The following TMTC3 variants were observed in gnomAD, a reference collection of about 807,000 sequenced individuals.
TMTC3 encodes the protein transmembrane O-mannosyltransferase targeting cadherins 3, also known as protein O-mannosyl-transferase TMTC3.
In TMTC3, 52 loss-of-function variants were observed where a neutral mutation model predicts 92.2. That is an observed-to-expected ratio of 0.56 (90% confidence interval 0.45 to 0.71). TMTC3 has a LOEUF of 0.71. Among genes scored for constraint, TMTC3 ranks in the 30% least tolerant of loss-of-function variants. TMTC3 has a pLI of 0.00. For synonymous variants in TMTC3, 339 were observed against 363.3 expected (o/e 0.93, Z 0.76); for missense variants, 896 against 1,057.1 (o/e 0.85, Z 2.11).
intron 6 of TMTC3, among the ~76,000 whole-genome samples, chr12:88,162,772 G>A (rs1472314671): frequency 1.3e-5 from 2 of 151,846 alleles, no homozygotes; most frequent in African/African-American, 4.8e-5. Context: ...GTATTTCTCT[G>A]CTTCTTTGCA....
At chr12:88,146,966 A>G (rs1159660562) in intron 1 of TMTC3, among the ~76,000 whole-genome samples, 1 of 150,362 alleles carries the variant, frequency 6.7e-6, no homozygotes, top group East Asian at 1.9e-4. Context: ...TGCAGCTAAT[A>G]TATCAAAGTC....
At chr12:88,154,485 C>A in intron 4 of TMTC3, 98 bp downstream of exon 4, 1 of 669,140 alleles carries the variant, frequency 1.5e-6, no homozygotes. Flanking sequence ...TTATATACCA[C>A]ATTTGGGATT....
chr12:88,156,826 T>TTC (rs1403462080), intron 4 of TMTC3, among the ~76,000 whole-genome samples: 3 of 151,082 alleles, frequency 2.0e-5, no homozygotes, highest in Non-Finnish European at 3.0e-5. Flanking sequence ...TTTTTTTTTT[T>TTC]TTACAAAAAG....
chr12:88,147,895 A>C (rs1429847067), intron 1 of TMTC3, among the ~76,000 whole-genome samples: 3 of 152,120 alleles, frequency 2.0e-5, no homozygotes, highest in African/African-American at 7.2e-5. Context: ...TAGAAAAGGG[A>C]TGGAGGGTCT....
In TMTC3 at chr12:88,183,023, G is replaced by A. The variant is rs149023143; in HGVS notation, c.1433-5820G>A. On this transcript the variant is annotated intron_variant, in intron 10 of 13. Coordinates refer to ENST00000266712, the MANE Select transcript of TMTC3 (RefSeq NM_181783.4). ...TTAGCACTGATAGCCCGTAAGTCAT[G>A]CAGAAATCTCCATTTGCCAGACTTT... Among the ~76,000 whole-genome samples, 672 of 152,308 alleles carry A rather than the reference G, an allele frequency of 4.4e-3. 12 individuals are homozygous for A. Among genetic ancestry groups the A allele is most frequent in the African/African-American group, 0.015 (623 of 41,568 alleles).
At chr12:88,152,172 A>C (rs1263410484) in intron 2 of TMTC3, among the ~76,000 whole-genome samples, 2 of 152,208 alleles carry the variant, frequency 1.3e-5, no homozygotes, top group Admixed American at 6.5e-5. Context: ...TATTTGGCAT[A>C]TGGATCTGCA....
chr12:88,193,293 C>T (rs1035366894), intron 13 of TMTC3, among the ~76,000 whole-genome samples: 8 of 151,940 alleles, frequency 5.3e-5, no homozygotes, highest in Non-Finnish European at 7.4e-5. Context: ...TCCAGTTTTA[C>T]TACGTTTTCT....
chr12:88,148,042 A>C (rs182604532), intron 1 of TMTC3, among the ~76,000 whole-genome samples: 8 of 152,076 alleles, frequency 5.3e-5, no homozygotes, highest in African/African-American at 1.9e-4. Context: ...GGAATAGGAG[A>C]GGTTACTTGG....
intron 4 of TMTC3, among the ~76,000 whole-genome samples, chr12:88,156,726 G>A (rs1404570684): frequency 1.3e-5 from 2 of 149,628 alleles, no homozygotes; most frequent in East Asian, 3.9e-4. Context: ...CTTGTCTTCT[G>A]CCTTAAATGT....
chr12:88,156,641 T>TA (rs1285411038), intron 4 of TMTC3, among the ~76,000 whole-genome samples: 1 of 151,770 alleles, frequency 6.6e-6, no homozygotes, highest in African/African-American at 2.4e-5. Context: ...ATTTCTGCAG[T>TA]AACAGAGTAG....
intron 10 of TMTC3, among the ~76,000 whole-genome samples, chr12:88,182,287 T>A (rs1301123417): frequency 1.3e-5 from 2 of 152,230 alleles, no homozygotes; most frequent in African/African-American, 4.8e-5. Flanking sequence ...ATATTGCAGG[T>A]CTGTGCAATC....
chr12:88,195,313 TGAA>T lies in TMTC3; in HGVS notation c.2413_2415del (p.Glu805del), dbSNP rs764289219. 6.2e-7 allele frequency: 1 copy of T among 1,613,736 alleles called. No individual in the cohort carries two copies. The highest frequency in any genetic ancestry group is 1.3e-5 in the African/African-American group (1 of 74,892). On this transcript the variant is annotated inframe_deletion, in exon 14 of 14. Transcript: ENST00000266712. ...TTGAAACACTGGCATTAGCACCACA[TGAA>T]GAATATATTCAGCGCCATTTGAATA...
In TMTC3 at chr12:88,171,952, G is replaced by T. The variant is rs556080854; in HGVS notation, c.1051-645G>T. Among the ~76,000 whole-genome samples the T allele has an allele frequency of 7.2e-5, 11 of 152,182 alleles. No individual in the cohort carries two copies. The East Asian group carries it at 2.1e-3, about 29-fold the overall frequency. On this transcript the variant is annotated intron_variant, in intron 7 of 13. Transcript: ENST00000266712. ...TAATTTTCACTTCCTTAATGATAGT[G>T]ATGTTGAACATTTATATACTTGATG...
intron 2 of TMTC3, 36 bp downstream of exon 2, chr12:88,148,540 C>G: frequency 7.0e-7 from 1 of 1,419,368 alleles, no homozygotes; most frequent in Non-Finnish European, 9.6e-7. Context: ...GTACATGTCT[C>G]AGATTTTGAA....
At chr12:88,159,965 A>G (rs2041056430) in intron 4 of TMTC3, 149 bp from the exon 5 acceptor site, 2 of 416,028 alleles carry the variant, frequency 4.8e-6, no homozygotes, top group South Asian at 7.6e-5. Context: ...AGTAAAAATT[A>G]TTAAATTTAA....
chr12:88,158,552 G>GT (rs879910454), intron 4 of TMTC3, among the ~76,000 whole-genome samples: 9 of 151,008 alleles, frequency 6.0e-5, no homozygotes, highest in Non-Finnish European at 8.9e-5. Flanking sequence ...CATGGGTTTG[G>GT]TTTTTTTCAT....
At chr12:88,143,689 C>T (rs973576877) in intron 1 of TMTC3, among the ~76,000 whole-genome samples, 2 of 152,062 alleles carry the variant, frequency 1.3e-5, no homozygotes, top group African/African-American at 4.8e-5. Flanking sequence ...TCTTCATGTT[C>T]AGTGTTCTTA....
chr12:88,181,073 G>T (rs575877237), intron 10 of TMTC3, among the ~76,000 whole-genome samples: 63 of 152,298 alleles, frequency 4.1e-4, no homozygotes, highest in African/African-American at 1.3e-3. Flanking sequence ...GATACCTGTG[G>T]AATGTTGGAT....
At chr12:88,145,970 C>G (rs576034629) in intron 1 of TMTC3, among the ~76,000 whole-genome samples, 1 of 152,150 alleles carries the variant, frequency 6.6e-6, no homozygotes, top group Non-Finnish European at 1.5e-5. Flanking sequence ...TGTAAGCAAA[C>G]AGAAATCAGT....
Sources: gnomAD v4.1 joint callset for allele counts (sites outside exome capture counted in the v4.1 genomes callset) on GRCh38, gnomAD v4.1.1 for gene constraint, MANE v1.5 for transcripts, NCBI Gene and HGNC (gene_info 2026-07-23, HGNC 2026-07-21) for gene names.